Variants in MYO3B observed in about 807,000 individuals in gnomAD.
MYO3B encodes myosin-IIIb.
MYO3B carries 156 observed loss-of-function variants against 174.6 expected under a neutral mutation model. The ratio of observed to expected loss-of-function variants is 0.89; its 90% CI spans 0.78 to 1.02. MYO3B has a LOEUF of 1.02. Ranked by LOEUF, MYO3B falls within the 50% of genes least tolerant of loss-of-function variation. The probability of loss-of-function intolerance (pLI) is 0.00; values close to 1 mark genes in which losing one functional copy is unlikely to be tolerated. For missense variants in MYO3B, 1,632 were observed against 1,639.4 expected (o/e 1.00, Z 0.08); for synonymous variants, 563 against 569.1 (o/e 0.99, Z 0.15).
chr2:170,444,093 C>A, intron 23 of MYO3B, 47 bp downstream of exon 23: 1 of 1,524,332 alleles, frequency 6.6e-7, no homozygotes, highest in South Asian at 1.1e-5. Context: ...GGCAGGTACT[C>A]TTGACCCAGG....
chr2:170,538,069 T>G (rs955904305), intron 30 of MYO3B, among the ~76,000 whole-genome samples: 1 of 152,124 alleles, frequency 6.6e-6, no homozygotes, highest in Non-Finnish European at 1.5e-5. Context: ...CAAGTAAAAT[T>G]TAGAAAATGG....
At chr2:170,181,139 T>A (rs1291208587) in intron 1 of MYO3B, among the ~76,000 whole-genome samples, 1 of 152,174 alleles carries the variant, frequency 6.6e-6, no homozygotes, top group East Asian at 1.9e-4. Flanking sequence ...TACATCTGTT[T>A]AATGATTAAA....
At chr2:170,553,792 G>T (rs1291819679) in intron 32 of MYO3B, among the ~76,000 whole-genome samples, 1 of 152,194 alleles carries the variant, frequency 6.6e-6, no homozygotes. Context: ...CCCCAGTGTT[G>T]GGAGAGAGAC....
chr2:170,332,227 G>A (rs556354389), intron 7 of MYO3B: 18 of 152,284 alleles, frequency 1.2e-4, no homozygotes, highest in African/African-American at 4.3e-4. Context: ...ACCTTAAGAT[G>A]TCTCTGGGAA....
intron 6 of MYO3B, among the ~76,000 whole-genome samples, chr2:170,233,579 T>C (rs1217694762): frequency 2.0e-5 from 3 of 152,188 alleles, no homozygotes; most frequent in African/African-American, 7.2e-5. Context: ...CTGGAATTGT[T>C]TGAACTTCAG....
At chr2:170,507,367 A>G (rs1687678350) in intron 28 of MYO3B, among the ~76,000 whole-genome samples, 1 of 151,712 alleles carries the variant, frequency 6.6e-6, no homozygotes, top group Non-Finnish European at 1.5e-5. Flanking sequence ...TAGCTCTCCC[A>G]TACTTGAGAA....
chr2:170,400,310 A>C lies in MYO3B; in HGVS notation c.1914A>C (p.Gln638His), dbSNP rs780900771. The C allele has an allele frequency of 6.2e-7, 1 of 1,614,076 alleles. No homozygotes were observed. Among genetic ancestry groups the C allele is most frequent in the South Asian group, 1.1e-5 (1 of 91,062 alleles). The change falls in exon 17 of 35, where the codon CAA (glutamine) becomes CAC (histidine). Residue 638 changes from glutamine (Q) to histidine (H), a missense_variant. By Grantham distance (24) the Gln-to-His change is conservative. Coordinates refer to ENST00000408978, the MANE Select transcript of MYO3B (RefSeq NM_138995.5). ...KSEVPNAEAL[Q>H]NAASVLCISP... ...AGGTGCCCAATGCTGAAGCTTTGCA[A>C]AATGGTAATTATTTGATATTTGTGG...
rs1468520613 is a variant in MYO3B at position 170,647,376 on chromosome 2, T to A, written c.3734-4252T>A. Among the ~76,000 whole-genome samples, 4 of 152,320 alleles carry A rather than the reference T, an allele frequency of 2.6e-5. No individual in the cohort carries two copies. In the East Asian group the frequency reaches 7.7e-4, roughly 29 times the overall value. ...ACACTGTGTATAGGATAAATGTTAA[T>A]ATGTCTGTATTTAAGTTATATTTTT... On this transcript the variant is annotated intron_variant, in intron 32 of 34. Transcript: ENST00000408978.
chr2:170,391,341 C>T (rs994581623), intron 14 of MYO3B, among the ~76,000 whole-genome samples, 179 bp from the exon 15 acceptor site: 1 of 152,152 alleles, frequency 6.6e-6, no homozygotes, highest in Non-Finnish European at 1.5e-5. Context: ...AATAATGCAA[C>T]ATTATGACAA....
At chr2:170,648,761 A>G (rs1236937378) in intron 32 of MYO3B, among the ~76,000 whole-genome samples, 1 of 99,346 alleles carries the variant, frequency 1.0e-5, no homozygotes, top group Non-Finnish European at 2.1e-5. Flanking sequence ...TATTATATAT[A>G]GAATATAATA....
intron 7 of MYO3B, among the ~76,000 whole-genome samples, chr2:170,277,740 C>T (rs757636722): frequency 3.3e-5 from 5 of 151,966 alleles, no homozygotes; most frequent in African/African-American, 4.8e-5. Flanking sequence ...AAATGTCTTA[C>T]AGAGAATGCA....
intron 30 of MYO3B, among the ~76,000 whole-genome samples, chr2:170,525,190 A>G (rs1164854825): frequency 1.3e-5 from 2 of 152,228 alleles, no homozygotes; most frequent in Non-Finnish European, 2.9e-5. Context: ...CCATCTGTGC[A>G]TGATGGGACA....
At chr2:170,543,317 C>T (rs75775384) in intron 31 of MYO3B, among the ~76,000 whole-genome samples, 1,856 of 152,182 alleles carry the variant, frequency 0.012, 50 homozygotes, top group East Asian at 0.089. Flanking sequence ...TGATATCCTG[C>T]TCGAATTCAA....
chr2:170,607,290 A>C (rs1306199898), intron 32 of MYO3B, among the ~76,000 whole-genome samples: 2 of 152,262 alleles, frequency 1.3e-5, no homozygotes, highest in East Asian at 3.8e-4. Context: ...TATGATGCAG[A>C]AATAAACAAT....
In MYO3B at chr2:170,387,080, T is replaced by C. The variant is rs756793685; in HGVS notation, c.1375-26T>C. 12 of 1,612,834 alleles carry C rather than the reference T, an allele frequency of 7.4e-6. No individual in the cohort carries two copies. In the South Asian group the frequency reaches 1.2e-4, roughly 16 times the overall value. On this transcript the variant is annotated intron_variant, in intron 13 of 34. Coordinates refer to ENST00000408978, the MANE Select transcript of MYO3B (RefSeq NM_138995.5). ...CTGGTGTAATGTTTCTGGAGTCTCT[T>C]CTTGACCGTTCTCTGTTTGGCACAG...
intron 30 of MYO3B, among the ~76,000 whole-genome samples, chr2:170,520,550 T>A (rs1217411422): frequency 6.6e-6 from 1 of 151,982 alleles, no homozygotes; most frequent in African/African-American, 2.4e-5. Flanking sequence ...ATATATATAT[T>A]ATCTCATTTG....
chr2:170,241,211 A>G (rs1353014394), intron 7 of MYO3B, among the ~76,000 whole-genome samples: 1 of 151,982 alleles, frequency 6.6e-6, no homozygotes, highest in African/African-American at 2.4e-5. Flanking sequence ...GTTGGAACAC[A>G]CTTTCTCATG....
At chr2:170,338,637 G>A (rs1040824670) in intron 8 of MYO3B, among the ~76,000 whole-genome samples, 1 of 151,974 alleles carries the variant, frequency 6.6e-6, no homozygotes, top group Non-Finnish European at 1.5e-5. Context: ...GAGTCTCACT[G>A]TGTTGCCCAG....
At chr2:170,472,949 C>G (rs1685067808) in intron 25 of MYO3B, among the ~76,000 whole-genome samples, 1 of 151,782 alleles carries the variant, frequency 6.6e-6, no homozygotes, top group Admixed American at 6.6e-5. Context: ...AATCTGTCTG[C>G]CTCAGCCTCG....
Sources: gnomAD v4.1 joint callset for allele counts (sites outside exome capture counted in the v4.1 genomes callset) on GRCh38, gnomAD v4.1.1 for gene constraint, MANE v1.5 for transcripts, NCBI Gene and HGNC (gene_info 2026-07-23, HGNC 2026-07-21) for gene names.